Variants in ZFR2 observed in about 807,000 individuals in gnomAD.
The protein encoded by ZFR2 is zinc finger RNA-binding protein 2.
Under a neutral mutation model 105.7 loss-of-function variants are expected in ZFR2, and 104 were observed. The observed-to-expected ratio is 0.98, with a 90% CI of 0.84 to 1.16. The LOEUF (loss-of-function observed/expected upper bound fraction) is 1.16, where lower values mean the gene tolerates loss of function less well. Among genes scored for constraint, ZFR2 ranks in the 50% most tolerant of loss-of-function variants. The probability of loss-of-function intolerance (pLI) is 0.00; values close to 1 mark genes in which losing one functional copy is unlikely to be tolerated. For synonymous variants in ZFR2, 634 were observed against 597.7 expected, an observed-to-expected ratio of 1.06 and a Z score of -0.89; for missense variants, 1,425 against 1,355.5, an observed-to-expected ratio of 1.05 and a Z score of -0.80.
At chr19:3,810,915 T>A (rs1219418759) in intron 15 of ZFR2, 70 bp from the exon 16 acceptor site, 1 of 1,503,384 alleles carries the variant, frequency 6.7e-7, no homozygotes, top group Admixed American at 2.0e-5. Flanking sequence ...CCGGGCTCTG[T>A]CGTGAGCGTG....
chr19:3,809,048 G>T, intron 16 of ZFR2, 65 bp from the exon 17 acceptor site: 1 of 1,284,700 alleles, frequency 7.8e-7, no homozygotes, highest in Non-Finnish European at 1.0e-6. Context: ...TGCCCGGGAG[G>T]TCCTGGGGTC....
At chr19:3,860,938 A>C (rs2038366387) in intron 1 of ZFR2, among the ~76,000 whole-genome samples, 1 of 152,160 alleles carries the variant, frequency 6.6e-6, no homozygotes, top group Non-Finnish European at 1.5e-5. Context: ...GAGCAACCAC[A>C]ACCGGCCTCG....
intron 13 of ZFR2, 119 bp downstream of exon 13, chr19:3,816,555 T>C (rs1402128925): frequency 1.8e-5 from 25 of 1,412,384 alleles, no homozygotes; most frequent in Admixed American, 2.8e-5. Context: ...TTAATGCTTC[T>C]TGTACCTTAA....
At chr19:3,816,346 A>AGT (rs1228077217) in intron 13 of ZFR2, among the ~76,000 whole-genome samples, 3 of 150,938 alleles carry the variant, frequency 2.0e-5, no homozygotes, top group African/African-American at 4.9e-5. Flanking sequence ...CCGGGATTTA[A>AGT]GTGATTCTCC....
chr19:3,806,301 CA>C (rs2145126636), intron 18 of ZFR2, among the ~76,000 whole-genome samples, 176 bp from the exon 19 acceptor site: 1 of 152,292 alleles, frequency 6.6e-6, no homozygotes, highest in Non-Finnish European at 1.5e-5. Context: ...CTCGCTCTGT[CA>C]CCCAGGCTGG....
In ZFR2 at chr19:3,838,702, AC is replaced by A. The variant is rs1267193004; in HGVS notation, c.54-3720del. 6.6e-6 allele frequency among the ~76,000 whole-genome samples: 1 copy of A among 152,098 alleles called. No individual in the cohort carries two copies. Among genetic ancestry groups the A allele is most frequent in the Admixed American group, 6.6e-5 (1 of 15,264 alleles). ...GCTGCCTGCAAGTGGCTGCTCAGTG[AC>A]ACCCTGGGACGAGCCCTCCTGGAGC... On this transcript the variant is annotated intron_variant, in intron 1 of 18. Transcript: ENST00000262961. The surrounding 1 kb of genome is among the most constrained non-coding windows in gnomAD (Gnocchi z 4.9).
At chr19:3,830,236 C>G (rs987368020) in intron 5 of ZFR2, among the ~76,000 whole-genome samples, 36 of 151,974 alleles carry the variant, frequency 2.4e-4, no homozygotes, top group African/African-American at 7.0e-4. Context: ...CCCAGGAGTT[C>G]GAGACTGGAC....
At chr19:3,864,555 C>T (rs758706737) in intron 1 of ZFR2, among the ~76,000 whole-genome samples, 5 of 152,200 alleles carry the variant, frequency 3.3e-5, no homozygotes, top group Non-Finnish European at 5.9e-5. Context: ...AGAAAGGTAA[C>T]GGCAGAGGCC....
At chr19:3,859,583 G>A (rs1480907716) in intron 1 of ZFR2, among the ~76,000 whole-genome samples, 1 of 152,226 alleles carries the variant, frequency 6.6e-6, no homozygotes, top group African/African-American at 2.4e-5. Context: ...TGACCTTGGC[G>A]CGGTGGGTCT....
rs76462573 is a variant in ZFR2 at position 3,835,113 on chromosome 19, C to A, written c.54-130G>T. ...TGCTTGGTGGAGACCCTCCTAGGAGCCCAGGCACGGCCGGAAGCACTTTAC... is the reference window on the plus strand; with the variant it reads ...TGCTTGGTGGAGACCCTCCTAGGAGACCAGGCACGGCCGGAAGCACTTTAC... On this transcript the variant is annotated intron_variant, in intron 1 of 18. Coordinates refer to ENST00000262961, the MANE Select transcript of ZFR2 (RefSeq NM_015174.2). 3.7e-3 allele frequency: 3,880 copies of A among 1,044,628 alleles called. 57 individuals carry two copies. The African/African-American group carries it at 0.038, about 10-fold the overall frequency. 64.7% of individuals were successfully genotyped at this position (1,044,628 alleles called of 1,614,324 possible). A position where few individuals can be genotyped will look rare whatever the true frequency, so the allele number is the denominator to read the frequency against.
chr19:3,843,558 C>T (rs986626273), intron 1 of ZFR2, among the ~76,000 whole-genome samples: 13 of 151,474 alleles, frequency 8.6e-5, no homozygotes, highest in Non-Finnish European at 1.9e-4. Flanking sequence ...CCTGGCCGGG[C>T]GCGGTGGCTC....
At chr19:3,857,769 T>TTGCTGC (rs562272768) in intron 1 of ZFR2, among the ~76,000 whole-genome samples, 1 of 151,766 alleles carries the variant, frequency 6.6e-6, no homozygotes, top group African/African-American at 2.4e-5. Flanking sequence ...CCCAGGCTAT[T>TTGCTGC]TGCTGCTGCT....
At chr19:3,829,845 A>G (rs1253692425) in intron 5 of ZFR2, among the ~76,000 whole-genome samples, 1 of 152,188 alleles carries the variant, frequency 6.6e-6, no homozygotes, top group Non-Finnish European at 1.5e-5. Flanking sequence ...TTTGGCGTAT[A>G]CTGCAGTAAT....
rs954411039 is a variant in ZFR2 at position 3,838,710 on chromosome 19, G to A, written c.54-3727C>T. 6.6e-6 allele frequency among the ~76,000 whole-genome samples: 1 copy of A among 152,100 alleles called. No individual in the cohort carries two copies. The highest frequency in any genetic ancestry group is 2.4e-5 in the African/African-American group (1 of 41,402). ...CAAGTGGCTGCTCAGTGACACCCTGGGACGAGCCCTCCTGGAGCCCCTGTG... is the reference window on the plus strand; with the variant it reads ...CAAGTGGCTGCTCAGTGACACCCTGAGACGAGCCCTCCTGGAGCCCCTGTG... On this transcript the variant is annotated intron_variant, in intron 1 of 18. Coordinates refer to ENST00000262961, the MANE Select transcript of ZFR2 (RefSeq NM_015174.2). This position sits in a 1 kb window ranked among gnomAD's most constrained non-coding sequence, Gnocchi z 4.9.
chr19:3,823,197 G>A lies in ZFR2; in HGVS notation c.1371+49C>T, dbSNP rs1183034564. The A allele has an allele frequency of 6.2e-7, 1 of 1,612,340 alleles. No homozygotes were observed. The highest frequency in any genetic ancestry group is 1.3e-5 in the African/African-American group (1 of 74,922). On this transcript the variant is annotated intron_variant, in intron 8 of 18. Coordinates refer to ENST00000262961, the MANE Select transcript of ZFR2 (RefSeq NM_015174.2). This position sits in a 1 kb window ranked among gnomAD's most constrained non-coding sequence, Gnocchi z 5.4. ...TGAGGTCTCGAAGCCTGATCCATGGGAAGGTCCTTCCCTGACCGGGGCACC... is the reference window on the plus strand; with the variant it reads ...TGAGGTCTCGAAGCCTGATCCATGGAAAGGTCCTTCCCTGACCGGGGCACC...
intron 5 of ZFR2, among the ~76,000 whole-genome samples, chr19:3,828,069 T>G (rs1452005933): frequency 6.6e-6 from 1 of 152,058 alleles, no homozygotes; most frequent in East Asian, 1.9e-4. Context: ...ATCTACCTGC[T>G]TTGGCCTCCC....
intron 6 of ZFR2, among the ~76,000 whole-genome samples, chr19:3,827,150 G>A (rs1160964509): frequency 6.6e-6 from 1 of 152,194 alleles, no homozygotes; most frequent in Middle Eastern, 3.2e-3. Context: ...GCTGAGGCAT[G>A]AGAATTGCTT....
chr19:3,831,685 G>A lies in ZFR2; in HGVS notation c.573C>T (p.Tyr191=), dbSNP rs2038018163. Residue 191 remains tyrosine, a synonymous_variant, in exon 4 of 19, where the codon TAC becomes TAT. Transcript: ENST00000262961. ...SIVTSYPPPS[Y]NPTCTAYTAP... ...CCGTGTAGGCGGTGCAGGTGGGGTTGTAGGAGGGCGGGGGGTAGGAGGTCA... is the reference window on the plus strand; with the variant it reads ...CCGTGTAGGCGGTGCAGGTGGGGTTATAGGAGGGCGGGGGGTAGGAGGTCA... The A allele has an allele frequency of 6.4e-7, 1 of 1,568,222 alleles. No homozygotes were observed. Among genetic ancestry groups the A allele is most frequent in the Admixed American group, 1.8e-5 (1 of 55,178 alleles).
In ZFR2 at chr19:3,821,347, C is replaced by T. The variant is rs1420400907; in HGVS notation, c.1624G>A (p.Glu542Lys). ...RLEQLRRWHA[E>K]RRRLEEEPPQ... is the part of the protein sequence containing the mutation. The stretch of plus-strand genomic sequence containing the variant: ...AGACCCGCAGCCGGGCACCTCCTCT[C>T]CGCGTGCCAGCGCCGCAGCTGCTCC... The change falls in exon 10 of 19, where the codon GAG (glutamate) becomes AAG (lysine). Residue 542 changes from glutamate (E) to lysine (K), a missense_variant. Transcript: ENST00000262961. The T allele has an allele frequency of 1.3e-6, 2 of 1,596,512 alleles. No individual in the cohort carries two copies. Among genetic ancestry groups the T allele is most frequent in the South Asian group, 1.1e-5 (1 of 89,242 alleles).
Sources: gnomAD v4.1 joint callset for allele counts (sites outside exome capture counted in the v4.1 genomes callset) on GRCh38, gnomAD v4.1.1 for gene constraint, Gnocchi (gnomAD v3.1) non-coding constraint, MANE v1.5 for transcripts, NCBI Gene and HGNC (gene_info 2026-07-23, HGNC 2026-07-21) for gene names.